Variants in LRP1B observed in about 807,000 individuals in gnomAD.
The protein encoded by LRP1B is low-density lipoprotein receptor-related protein 1B.
In LRP1B, 217 loss-of-function variants were observed where a neutral mutation model predicts 556.6. The ratio of observed to expected loss-of-function variants is 0.39; its 90% CI spans 0.35 to 0.44. The LOEUF (loss-of-function observed/expected upper bound fraction) is 0.44, where lower values mean the gene tolerates loss of function less well. Ranked by LOEUF, LRP1B falls within the 20% of genes least tolerant of loss-of-function variation. The pLI is 1.00. For synonymous variants in LRP1B, 2,047 were observed against 1,865.8 expected (o/e 1.10, Z -2.50); for missense variants, 5,053 against 5,620.8 (o/e 0.90, Z 3.23).
intron 43 of LRP1B, among the ~76,000 whole-genome samples, chr2:140,581,897 A>T (rs1261126747): frequency 2.6e-5 from 4 of 152,136 alleles, no homozygotes; most frequent in African/African-American, 4.8e-5. Context: ...TTAACTAAAG[A>T]ATGATTTTTC....
At chr2:140,292,825 G>A (rs562189081) in intron 84 of LRP1B, among the ~76,000 whole-genome samples, 3 of 152,216 alleles carry the variant, frequency 2.0e-5, no homozygotes, top group African/African-American at 7.2e-5. Context: ...ATGGGATAAA[G>A]CTACCCTAGA....
rs184115321 is a variant in LRP1B at position 140,556,467 on chromosome 2, C to T, written c.7195-14496G>A. Among the ~76,000 whole-genome samples the T allele has an allele frequency of 7.2e-5, 11 of 152,200 alleles. No individual in the cohort carries two copies. The East Asian group carries it at 1.4e-3, about 19-fold the overall frequency. On this transcript the variant is annotated intron_variant, in intron 43 of 90. Transcript: ENST00000389484. ...CCCACACGGTCCTCCCATCATATTA[C>T]CCCACAACTATCCACTTCGTCATCA... is the stretch of plus-strand genomic sequence containing the variant.
chr2:140,327,116 G>A (rs1251385145), intron 79 of LRP1B, among the ~76,000 whole-genome samples: 1 of 152,034 alleles, frequency 6.6e-6, no homozygotes, highest in Non-Finnish European at 1.5e-5. Context: ...AATACCTTAG[G>A]CAACTGAAGA....
intron 84 of LRP1B, among the ~76,000 whole-genome samples, chr2:140,277,305 G>T (rs1036393440): frequency 2.0e-5 from 3 of 151,896 alleles, no homozygotes; most frequent in African/African-American, 7.2e-5. Context: ...AAAAAGATGG[G>T]CTGGGTGCGG....
intron 1 of LRP1B, among the ~76,000 whole-genome samples, chr2:142,012,855 G>A (rs1702998172): frequency 6.6e-6 from 1 of 152,134 alleles, no homozygotes; most frequent in African/African-American, 2.4e-5. Flanking sequence ...AAGATGCGAT[G>A]TGGTCATTAA....
intron 23 of LRP1B, among the ~76,000 whole-genome samples, chr2:140,899,280 T>C (rs577878599): frequency 6.6e-6 from 1 of 152,270 alleles, no homozygotes; most frequent in Non-Finnish European, 1.5e-5. Flanking sequence ...TTTTCAGGGC[T>C]CTTCTCAACT....
chr2:140,647,611 T>C lies in LRP1B; in HGVS notation c.6800-45972A>G, dbSNP rs924207463. Among the ~76,000 whole-genome samples the C allele has an allele frequency of 5.3e-5, 8 of 152,308 alleles. No homozygotes were observed. In the East Asian group the frequency reaches 9.7e-4, roughly 18 times the overall value. ...CTGGGCACAAGTCAGATGTGGTTCC[T>C]GCCCCCATGAACTATTTAGTCTACT... On this transcript the variant is annotated intron_variant, in intron 41 of 90. Coordinates refer to ENST00000389484, the MANE Select transcript of LRP1B (RefSeq NM_018557.3).
rs56040453 is a variant in LRP1B at position 140,554,884 on chromosome 2, G to GTGTGTGTGTGTGTATA, written c.7195-12914_7195-12913insTATACACACACACACA. Among the ~76,000 whole-genome samples the GTGTGTGTGTGTGTATA allele has an allele frequency of 1.9e-4, 28 of 148,658 alleles. No individual in the cohort carries two copies. The East Asian group carries it at 2.2e-3, about 12-fold the overall frequency. On this transcript the variant is annotated intron_variant, in intron 43 of 90. Transcript: ENST00000389484. ...TGTGTGTGTGTGTGTGTGTGTGTGT[G>GTGTGTGTGTGTGTATA]TATATGTATATGAACTACTAGCTAG...
chr2:140,558,667 A>G lies in LRP1B; in HGVS notation c.7195-16696T>C, dbSNP rs138809082. On this transcript the variant is annotated intron_variant, in intron 43 of 90. Transcript: ENST00000389484. ...GATAAAAATGTTTTAGGATGGGTGCAGTGCTTCACACTTGAAATCCCAGCA... is the reference window on the plus strand; with the variant it reads ...GATAAAAATGTTTTAGGATGGGTGCGGTGCTTCACACTTGAAATCCCAGCA... 5.9e-3 allele frequency among the ~76,000 whole-genome samples: 894 copies of G among 152,142 alleles called. 8 individuals are homozygous for G. Among genetic ancestry groups the G allele is most frequent in the African/African-American group, 0.015 (620 of 41,504 alleles).
chr2:140,279,060 T>C (rs555387882), intron 84 of LRP1B, among the ~76,000 whole-genome samples: 1 of 152,066 alleles, frequency 6.6e-6, no homozygotes, highest in South Asian at 2.1e-4. Flanking sequence ...AATGTCTTTG[T>C]CCCTTTCTCT....
intron 31 of LRP1B, among the ~76,000 whole-genome samples, chr2:140,828,341 G>A (rs1233145436): frequency 1.3e-5 from 2 of 151,742 alleles, no homozygotes; most frequent in Non-Finnish European, 2.9e-5. Flanking sequence ...CGGGCGCGGT[G>A]GCTCACGCCT....
At chr2:141,233,194 G>A (rs1353853878) in intron 5 of LRP1B, among the ~76,000 whole-genome samples, 3 of 152,160 alleles carry the variant, frequency 2.0e-5, no homozygotes, top group African/African-American at 4.8e-5. Flanking sequence ...CTTAGTGAGA[G>A]GTAATGAACA....
intron 35 of LRP1B, among the ~76,000 whole-genome samples, chr2:140,717,448 G>T (rs1286965946): frequency 6.6e-6 from 1 of 152,038 alleles, no homozygotes; most frequent in Non-Finnish European, 1.5e-5. Flanking sequence ...TTGTCCAAAT[G>T]GGCTTGAGAA....
At chr2:140,411,946 T>C (rs1191631187) in intron 66 of LRP1B, among the ~76,000 whole-genome samples, 4 of 152,114 alleles carry the variant, frequency 2.6e-5, no homozygotes, top group Admixed American at 2.0e-4. Context: ...GTATCAGAAT[T>C]TCACAAATCT....
intron 1 of LRP1B, among the ~76,000 whole-genome samples, chr2:142,121,298 G>C (rs2105012679): frequency 6.6e-6 from 1 of 152,152 alleles, no homozygotes; most frequent in Middle Eastern, 3.4e-3. Flanking sequence ...TAAAAAGTAA[G>C]TTGCATCATT....
At chr2:141,553,995 TTATA>T (rs1035801862) in intron 2 of LRP1B, among the ~76,000 whole-genome samples, 36 of 139,906 alleles carry the variant, frequency 2.6e-4, no homozygotes, top group Admixed American at 1.5e-4. Flanking sequence ...TAGATATAGA[TTATA>T]TATATCTATA....
chr2:141,885,971 C>G (rs930060532), intron 1 of LRP1B, among the ~76,000 whole-genome samples: 2 of 152,180 alleles, frequency 1.3e-5, no homozygotes, highest in African/African-American at 2.4e-5. Flanking sequence ...GAGCAATACA[C>G]TTCTGTGGAT....
chr2:140,487,062 A>G (rs1182308118), intron 58 of LRP1B, among the ~76,000 whole-genome samples: 6 of 151,918 alleles, frequency 3.9e-5, no homozygotes, highest in Non-Finnish European at 5.9e-5. Flanking sequence ...TCAGAATAAC[A>G]AAAGATGGTA....
chr2:141,441,341 G>C (rs1031953786), intron 3 of LRP1B, among the ~76,000 whole-genome samples: 1 of 152,086 alleles, frequency 6.6e-6, no homozygotes, highest in African/African-American at 2.4e-5. Context: ...GCCTCCCAAA[G>C]TGCTGGGACT....
Sources: gnomAD v4.1 joint callset for allele counts (sites outside exome capture counted in the v4.1 genomes callset) on GRCh38, gnomAD v4.1.1 for gene constraint, MANE v1.5 for transcripts, NCBI Gene and HGNC (gene_info 2026-07-23, HGNC 2026-07-21) for gene names.